The following SCN4A variants were observed in gnomAD, a reference collection of about 807,000 sequenced individuals.
The protein encoded by SCN4A is sodium channel protein type 4 subunit alpha.
Under a neutral mutation model 162.0 loss-of-function variants are expected in SCN4A, and 83 were observed. The ratio of observed to expected loss-of-function variants is 0.51; its 90% confidence interval spans 0.43 to 0.61. The LOEUF (loss-of-function observed/expected upper bound fraction) is 0.61, where lower values mean the gene tolerates loss of function less well. Ranked by LOEUF, SCN4A falls within the 20% of genes least tolerant of loss-of-function variation. The pLI is 0.00. For missense variants in SCN4A, 2,196 were observed against 2,462.5 expected, an observed-to-expected ratio of 0.89 and a Z score of 2.29; for synonymous variants, 944 against 985.1, an observed-to-expected ratio of 0.96 and a Z score of 0.78.
intron 4 of SCN4A, 60 bp downstream of exon 4, chr17:63,971,662 A>C: frequency 6.6e-7 from 1 of 1,504,042 alleles, no homozygotes; most frequent in Non-Finnish European, 9.0e-7. Flanking sequence ...TCCCTCTTTA[A>C]GGCCTGGCCC....
rs2144786514 is a variant in SCN4A at position 63,951,448 on chromosome 17, A to G, written c.2829T>C (p.Thr943=). ...CCTTGCTATCCTCAGGCTCTGAGAAAGTGTCGGTTTCCTCCTCGGTGGGCA... is the reference window on the plus strand; with the variant it reads ...CCTTGCTATCCTCAGGCTCTGAGAAGGTGTCGGTTTCCTCCTCGGTGGGCA... The part of the protein sequence containing the change: ...LEMPTEEETD[T]FSEPEDSKKP... The change falls in exon 14 of 24, where the codon ACT becomes ACC. Residue 943 remains threonine (T), a synonymous_variant. Transcript: ENST00000435607. This position sits in a 1 kb window ranked among gnomAD's most constrained non-coding sequence, Gnocchi z 4.5. 1 of 1,604,638 alleles carries G rather than the reference A, an allele frequency of 6.2e-7. No individual in the cohort carries two copies. The highest frequency in any genetic ancestry group is 8.5e-7 in the Non-Finnish European group (1 of 1,172,476).
At chr17:63,943,621 G>C in intron 22 of SCN4A, 125 bp downstream of exon 22, 1 of 629,430 alleles carries the variant, frequency 1.6e-6, no homozygotes, top group Non-Finnish European at 2.9e-6. Flanking sequence ...CTGCCCCTGG[G>C]GTGGGCCTAA....
chr17:63,947,558 A>G (rs1471346552), intron 17 of SCN4A, among the ~76,000 whole-genome samples: 3 of 152,222 alleles, frequency 2.0e-5, no homozygotes, highest in Non-Finnish European at 4.4e-5. Flanking sequence ...GTTCAAGACC[A>G]GCCTGGGCAA....
At chr17:63,942,180 C>T (rs1477869551) in intron 23 of SCN4A, among the ~76,000 whole-genome samples, 187 bp from the exon 24 acceptor site, 2 of 151,880 alleles carry the variant, frequency 1.3e-5, no homozygotes, top group African/African-American at 4.8e-5. Context: ...GCAGCTTTGT[C>T]TTGATGGAAC....
Position 63,945,238 on chromosome 17 carries a change from C to G in SCN4A, c.3720+122G>C, listed in dbSNP as rs1029977716. The G allele has an allele frequency of 2.0e-6, 2 of 1,012,970 alleles. No homozygotes were observed. Among genetic ancestry groups the G allele is most frequent in the Admixed American group, 4.4e-5 (2 of 45,576 alleles). The allele number at this position is 1,012,970 out of a possible 1,614,324, so 62.7% of individuals were successfully genotyped here. A position where few individuals can be genotyped will look rare whatever the true frequency, so the allele number is the denominator to read the frequency against. ...TAGACACTGCCTGGGGATCCCACAG[C>G]ATTGGAAGCAGGGTGGGCGGTCCCC... On this transcript the variant is annotated intron_variant, in intron 19 of 23. Transcript: ENST00000435607. The surrounding 1 kb of genome is among the most constrained non-coding windows in gnomAD (Gnocchi z 4.4).
intron 8 of SCN4A, 105 bp downstream of exon 8, chr17:63,965,997 C>CA (rs1434528743): frequency 1.3e-6 from 1 of 770,878 alleles, no homozygotes. Context: ...TGGCCCAGTT[C>CA]GGGGGTTGGC....
At chr17:63,948,552 A>T in intron 16 of SCN4A, 59 bp downstream of exon 16, 1 of 1,503,386 alleles carries the variant, frequency 6.7e-7, no homozygotes, top group Admixed American at 1.8e-5. Context: ...GGGAGCCCCA[A>T]GAGGACCTGC....
Position 63,940,830 on chromosome 17 carries a change from GC to G in SCN4A, c.5451del (p.Trp1817CysfsTer46). The G allele has an allele frequency of 6.2e-7, 1 of 1,608,338 alleles. No homozygotes were observed. Among genetic ancestry groups the G allele is most frequent in the Non-Finnish European group, 8.5e-7 (1 of 1,176,206 alleles). On this transcript the variant is annotated frameshift_variant, in exon 24 of 24. Transcript: ENST00000435607. LOFTEE classifies it high-confidence loss of function. ...LMPISPSDTAWPPAPPPGQTV... is the reference protein window; with the variant it reads ...LMPISPSDTAXPPAPPPGQTV... ...GTCTGCCCTGGGGGAGGGGCGGGAG[GC>G]CAGGCAGTGTCTGAGGGGCTGATGG...
At chr17:63,955,549 T>C (rs1222086339) in intron 13 of SCN4A, among the ~76,000 whole-genome samples, 1 of 152,168 alleles carries the variant, frequency 6.6e-6, no homozygotes, top group African/African-American at 2.4e-5. Flanking sequence ...GCTCGAGGTT[T>C]CCCAGTCAGT....
Position 63,948,543 on chromosome 17 carries a change from G to T in SCN4A, c.3144+68C>A, listed in dbSNP as rs374403469. On this transcript the variant is annotated intron_variant, in intron 16 of 23. Transcript: ENST00000435607. ...TGGCCCTTCCTGTGTGTGGAGACAG[G>T]GAGCCCCAAGAGGACCTGCTGTGGG... 5.2e-5 allele frequency: 73 copies of T among 1,410,092 alleles called. No homozygotes were observed. In the East Asian group the frequency reaches 1.2e-3, roughly 23 times the overall value. 87.3% of individuals were successfully genotyped at this position (1,410,092 alleles called of 1,614,324 possible).
Position 63,964,638 on chromosome 17 carries a change from CGAA to C in SCN4A, c.1279_1281del (p.Phe427del). 1.2e-6 allele frequency: 2 copies of C among 1,611,998 alleles called. No individual in the cohort carries two copies. Among genetic ancestry groups the C allele is most frequent in the Non-Finnish European group, 1.7e-6 (2 of 1,179,294 alleles). Reference sequence around the variant, plus strand: ...AAAGAGCCCAGGAAGATGATGACCACGAAGAAGATCATGTAGGTCTTGCCAGCT... The same window carrying C: ...AAAGAGCCCAGGAAGATGATGACCACGAAGATCATGTAGGTCTTGCCAGCT... On this transcript the variant is annotated inframe_deletion, in exon 9 of 24. Transcript: ENST00000435607.
intron 23 of SCN4A, 38 bp from the exon 24 acceptor site, chr17:63,942,031 A>AG (rs1250398174): frequency 2.0e-6 from 3 of 1,503,918 alleles, no homozygotes; most frequent in Non-Finnish European, 2.7e-6. Flanking sequence ...GCCACTGGGG[A>AG]GGGGGGCCGG....
chr17:63,950,064 T>C lies in SCN4A; in HGVS notation c.2854-536A>G, dbSNP rs552044668. On this transcript the variant is annotated intron_variant, in intron 14 of 23. Transcript: ENST00000435607. This position sits in a 1 kb window ranked among gnomAD's most constrained non-coding sequence, Gnocchi z 4.6. Reference sequence around the variant, plus strand: ...TCCAGTGCCAAGGGAACCTGATCAGTGTTGGGAGCGGGAGTGGGGGAGGCG... The same window carrying C: ...TCCAGTGCCAAGGGAACCTGATCAGCGTTGGGAGCGGGAGTGGGGGAGGCG... Among the ~76,000 whole-genome samples the C allele has an allele frequency of 2.6e-3, 402 of 152,108 alleles. 1 individual carries two copies. Among genetic ancestry groups the C allele is most frequent in the Non-Finnish European group, 3.8e-3 (257 of 67,950 alleles).
In SCN4A at chr17:63,963,772, A is replaced by G; in HGVS notation, c.1506T>C (p.His502=). 1.2e-6 allele frequency: 2 copies of G among 1,608,646 alleles called. No individual in the cohort carries two copies. Among genetic ancestry groups the G allele is most frequent in the South Asian group, 1.1e-5 (1 of 89,736 alleles). The change falls in exon 10 of 24, where the codon CAT becomes CAC. Residue 502 remains histidine (H), a synonymous_variant. Transcript: ENST00000435607. The part of the protein sequence containing the change: ...EGGEADGDPA[H]GKDCNGSLDT... ...CCAGGCTGCCATTGCAGTCTTTGCC[A>G]TGGGCTGGGTCCCCATCTGCCTCCC...
Position 63,972,567 on chromosome 17 carries a change from A to G in SCN4A, c.273+2T>C. On this transcript the variant is annotated splice_donor_variant, in intron 1 of 23. Coordinates refer to ENST00000435607, the MANE Select transcript of SCN4A (RefSeq NM_000334.4). LOFTEE classifies it high-confidence loss of function. This position sits in a 1 kb window ranked among gnomAD's most constrained non-coding sequence, Gnocchi z 4.3. ...ACAGAGGAAGCCTTCCCAGGCCCAG[A>G]CCTTCTTATTGCTGTAGTAGGGATC... 2 of 1,593,456 alleles carry G rather than the reference A, an allele frequency of 1.3e-6. No homozygotes were observed. Among genetic ancestry groups the G allele is most frequent in the Non-Finnish European group, 1.7e-6 (2 of 1,169,788 alleles).
intron 15 of SCN4A, 88 bp downstream of exon 15, chr17:63,949,305 C>G (rs767533853): frequency 2.9e-6 from 4 of 1,391,652 alleles, no homozygotes; most frequent in Non-Finnish European, 3.8e-6. Flanking sequence ...GCCCCAGGTC[C>G]GTGTGCTTTT....
chr17:63,941,706 T>A lies in SCN4A; in HGVS notation c.4576A>T (p.Ile1526Phe). Residue 1526 changes from isoleucine to phenylalanine, a missense_variant, in exon 24 of 24, where the codon ATC (isoleucine) becomes TTC (phenylalanine). Ile to Phe is a conservative substitution (Grantham distance 21, BLOSUM62 0). Coordinates refer to ENST00000435607, the MANE Select transcript of SCN4A (RefSeq NM_000334.4). This position sits in a 1 kb window ranked among gnomAD's most constrained non-coding sequence, Gnocchi z 6.2. ...GTGGTGATCTCGAACAGGCAGATGA[T>A]GCTGTTGCCGAAGGTCTCGAAGTTG... ...MFNFETFGNS[I>F]ICLFEITTSA... 6.2e-7 allele frequency: 1 copy of A among 1,614,090 alleles called. No individual in the cohort carries two copies.
At chr17:63,948,094 G>C (rs774364837) in intron 16 of SCN4A, 31 bp from the exon 17 acceptor site, 22 of 1,566,544 alleles carry the variant, frequency 1.4e-5, no homozygotes, top group Non-Finnish European at 1.8e-5. Flanking sequence ...AGGGTGGCTG[G>C]GGTCCAGCAG....
chr17:63,948,583 C>A (rs1908802833), intron 16 of SCN4A, 28 bp downstream of exon 16: 1 of 1,605,234 alleles, frequency 6.2e-7, no homozygotes, highest in African/African-American at 1.3e-5. Flanking sequence ...GCCCCTGCCC[C>A]TGACCCGTGC....
Sources: gnomAD v4.1 joint callset for allele counts (sites outside exome capture counted in the v4.1 genomes callset) on GRCh38, gnomAD v4.1.1 for gene constraint, Gnocchi (gnomAD v3.1) non-coding constraint, MANE v1.5 for transcripts, NCBI Gene and HGNC (gene_info 2026-07-23, HGNC 2026-07-21) for gene names.